ILDR1: variants seen among roughly 807,000 people sequenced by gnomAD.
ILDR1 encodes immunoglobulin like domain containing receptor 1.
In ILDR1, 56 loss-of-function variants were observed where a neutral mutation model predicts 62.4. That is an observed-to-expected ratio of 0.90 (90% confidence interval 0.72 to 1.12). The LOEUF is 1.12. Among genes scored for constraint, ILDR1 ranks in the 50% most tolerant of loss-of-function variants. The pLI, the probability that ILDR1 is intolerant of heterozygous loss-of-function variation, is 0.00. For missense variants in ILDR1, 736 were observed against 710.6 expected, an observed-to-expected ratio of 1.04 and a Z score of -0.41; for synonymous variants, 284 against 277.8, an observed-to-expected ratio of 1.02 and a Z score of -0.22.
At chr3:122,036,655 A>G in the ILDR1 span, among the ~76,000 whole-genome samples, 1 of 152,122 alleles carries the variant, frequency 6.6e-6, no homozygotes, top group East Asian at 1.9e-4. Flanking sequence ...GCCATGTGGT[A>G]GAAAAGAAAA....
intron 1 of ILDR1, among the ~76,000 whole-genome samples, chr3:122,009,325 AC>A (rs2071668181): frequency 1.0e-4 from 1 of 9,996 alleles, no homozygotes; most frequent in East Asian, 7.0e-4. Context: ...TCAATTTAAA[AC>A]ACACACACAC....
At chr3:122,038,968 G>A in the ILDR1 span, among the ~76,000 whole-genome samples, 1 of 151,696 alleles carries the variant, frequency 6.6e-6, no homozygotes, top group Non-Finnish European at 1.5e-5. Flanking sequence ...ATTATTAATT[G>A]CCAATTAAAA....
chr3:122,002,124 A>G (rs1321966071), intron 3 of ILDR1, among the ~76,000 whole-genome samples: 1 of 152,322 alleles, frequency 6.6e-6, no homozygotes, highest in African/African-American at 2.4e-5. Context: ...TGGGCAACAC[A>G]GTGAGACCCT....
chr3:122,018,827 A>C (rs544620833), intron 1 of ILDR1, among the ~76,000 whole-genome samples: 1 of 152,184 alleles, frequency 6.6e-6, no homozygotes, highest in Non-Finnish European at 1.5e-5. Context: ...ACAGTCTCCC[A>C]TCCATCACCC....
chr3:121,994,482 T>G (rs558711170), intron 5 of ILDR1, among the ~76,000 whole-genome samples, 169 bp from the exon 6 acceptor site: 4 of 152,234 alleles, frequency 2.6e-5, no homozygotes, highest in Admixed American at 2.6e-4. Context: ...ACTGTCCCCC[T>G]GGCGAGGAGC....
upstream of ILDR1, among the ~76,000 whole-genome samples, chr3:122,024,052 G>A (rs552774168): frequency 2.2e-4 from 33 of 151,050 alleles, no homozygotes; most frequent in Non-Finnish European, 4.0e-4. Flanking sequence ...TTGGTATAAA[G>A]GCCATTTTAA....
intron 5 of ILDR1, among the ~76,000 whole-genome samples, chr3:121,998,557 C>T (rs2071471039): frequency 6.6e-6 from 1 of 152,182 alleles, no homozygotes; most frequent in Admixed American, 6.5e-5. Flanking sequence ...AACAACTCTC[C>T]CGCAGAACCT....
At chr3:122,052,023 C>T in the ILDR1 span, among the ~76,000 whole-genome samples, 1 of 152,166 alleles carries the variant, frequency 6.6e-6, no homozygotes, top group South Asian at 2.1e-4. Flanking sequence ...TCTTGGCAGC[C>T]CCTAGTCTTC....
At chr3:122,027,126 T>C (rs1461006256), upstream of ILDR1, among the ~76,000 whole-genome samples, 4 of 152,198 alleles carry the variant, frequency 2.6e-5, no homozygotes, top group South Asian at 2.1e-4. Context: ...ACTGAAAACA[T>C]TTTTTTCTTT....
chr3:122,054,705 T>C, the ILDR1 span, among the ~76,000 whole-genome samples: 1 of 152,228 alleles, frequency 6.6e-6, no homozygotes, highest in Non-Finnish European at 1.5e-5. Context: ...ATGATGCCCA[T>C]TTTAATTCAT....
chr3:122,012,839 A>T (rs2071724254), intron 1 of ILDR1, among the ~76,000 whole-genome samples: 1 of 152,154 alleles, frequency 6.6e-6, no homozygotes, highest in South Asian at 2.1e-4. Context: ...AACTATCATG[A>T]TTGTCTTCTC....
chr3:122,034,557 C>A, the ILDR1 span, among the ~76,000 whole-genome samples: 1 of 152,198 alleles, frequency 6.6e-6, no homozygotes, highest in Non-Finnish European at 1.5e-5. Flanking sequence ...AGCTAGAAAA[C>A]TTTAATAAAT....
the ILDR1 span, among the ~76,000 whole-genome samples, chr3:122,061,054 A>G: frequency 0.011 from 1,624 of 152,356 alleles, 35 homozygotes; most frequent in African/African-American, 0.038. Context: ...CTAATGTCAC[A>G]GCTCTATATT....
the ILDR1 span, among the ~76,000 whole-genome samples, chr3:122,028,070 G>A: frequency 6.6e-6 from 1 of 151,946 alleles, no homozygotes; most frequent in Non-Finnish European, 1.5e-5. Flanking sequence ...GCTCACGCCT[G>A]TAATCCCATC....
chr3:122,053,331 G>C, the ILDR1 span, among the ~76,000 whole-genome samples: 1 of 151,790 alleles, frequency 6.6e-6, no homozygotes, highest in East Asian at 1.9e-4. Flanking sequence ...AGTTGTAGGA[G>C]TTTTTTTAAT....
the ILDR1 span, among the ~76,000 whole-genome samples, chr3:122,027,926 G>C: frequency 6.6e-6 from 1 of 152,182 alleles, no homozygotes; most frequent in Non-Finnish European, 1.5e-5. Context: ...AATTGGAAGG[G>C]ACAGTCTCAT....
intron 1 of ILDR1, among the ~76,000 whole-genome samples, chr3:122,012,524 G>C (rs925155145): frequency 6.6e-6 from 1 of 152,154 alleles, no homozygotes; most frequent in Non-Finnish European, 1.5e-5. Flanking sequence ...AAACACTCTA[G>C]TCAACATTAG....
At chr3:122,056,793 G>A in the ILDR1 span, among the ~76,000 whole-genome samples, 3 of 152,224 alleles carry the variant, frequency 2.0e-5, no homozygotes, top group Non-Finnish European at 2.9e-5. Flanking sequence ...ATTTTGAAGC[G>A]TTATACTTGT....
At chr3:122,026,022 C>G (rs1052331470), upstream of ILDR1, among the ~76,000 whole-genome samples, 1 of 152,030 alleles carries the variant, frequency 6.6e-6, no homozygotes, top group Admixed American at 6.5e-5. Context: ...AGAGACCAGC[C>G]TATACAAAAA....
Sources: allele counts gnomAD v4.1 joint callset (sites outside exome capture counted in the v4.1 genomes callset), GRCh38; gene constraint gnomAD v4.1.1; transcripts MANE v1.5; gene names NCBI Gene and HGNC (gene_info 2026-07-23, HGNC 2026-07-21).